Variants in CDC14A observed in about 807,000 individuals in gnomAD.
The protein encoded by CDC14A is dual specificity protein phosphatase CDC14A.
CDC14A carries 53 observed loss-of-function variants against 74.4 expected under a neutral mutation model. The ratio of observed to expected loss-of-function variants is 0.71; its 90% CI spans 0.57 to 0.89. CDC14A has a LOEUF of 0.89. Among genes scored for constraint, CDC14A ranks in the 40% least tolerant of loss-of-function variants. The pLI is 0.00. For synonymous variants in CDC14A, 247 were observed against 258.4 expected, an observed-to-expected ratio of 0.96 and a Z score of 0.43; for missense variants, 646 against 713.7, an observed-to-expected ratio of 0.91 and a Z score of 1.08.
chr1:100,382,730 G>C (rs762076817), intron 3 of CDC14A, among the ~76,000 whole-genome samples: 3 of 152,124 alleles, frequency 2.0e-5, no homozygotes, highest in African/African-American at 2.4e-5. Context: ...AGGATTAAAG[G>C]AGTATTCACA....
intron 1 of CDC14A, among the ~76,000 whole-genome samples, chr1:100,346,684 C>G (rs1650460113): frequency 6.7e-6 from 1 of 150,214 alleles, no homozygotes; most frequent in South Asian, 2.1e-4. Flanking sequence ...TGGATAAATT[C>G]TGTAAAATTT....
chr1:100,362,571 T>C (rs1652909966), intron 2 of CDC14A, among the ~76,000 whole-genome samples: 1 of 152,210 alleles, frequency 6.6e-6, no homozygotes, highest in South Asian at 2.1e-4. Flanking sequence ...GTTTCCTATG[T>C]CTTGTCATTT....
At chr1:100,366,136 AC>A (rs1304893765) in intron 2 of CDC14A, among the ~76,000 whole-genome samples, 1 of 152,202 alleles carries the variant, frequency 6.6e-6, no homozygotes, top group African/African-American at 2.4e-5. Context: ...GAATGAAGAG[AC>A]AAAAAACGTC....
chr1:100,393,327 A>G (rs1229205341), intron 4 of CDC14A: 1 of 1,038,092 alleles, frequency 9.6e-7, no homozygotes, highest in African/African-American at 1.6e-5. Flanking sequence ...ATGCTGTGAC[A>G]TTAGTTTCAG....
At chr1:100,351,647 C>T (rs1413341900), upstream of CDC14A, 1 of 1,103,130 alleles carries the variant, frequency 9.1e-7, no homozygotes, top group Non-Finnish European at 1.3e-6. Context: ...CCCAGGCTGG[C>T]TCAGCGGTCT....
Position 100,499,006 on chromosome 1 carries a change from C to A in CDC14A, c.1499C>A (p.Thr500Asn). 2 of 1,613,666 alleles carry A rather than the reference C, an allele frequency of 1.2e-6. No homozygotes were observed. The highest frequency in any genetic ancestry group is 1.7e-6 in the Non-Finnish European group (2 of 1,179,672). ...AATDDPENKKTSSSSKAGFTA... is the reference protein window; with the variant it reads ...AATDDPENKKNSSSSKAGFTA... ...ACAGATGATCCAGAGAACAAAAAGA[C>A]CTCCTCATCCTCTAAGGCAGGCTTC... Residue 500 changes from threonine (T) to asparagine (N), a missense_variant, in exon 15 of 16, where the codon ACC becomes AAC. Physicochemically the swap from Thr to Asn is moderately conservative, Grantham distance 65. Coordinates refer to ENST00000336454, the MANE Select transcript of CDC14A (RefSeq NM_003672.4).
intron 2 of CDC14A, among the ~76,000 whole-genome samples, chr1:100,365,978 G>A (rs1653541088): frequency 9.0e-6 from 1 of 110,530 alleles, no homozygotes; most frequent in African/African-American, 4.6e-5. Flanking sequence ...ACACACACAC[G>A]GTCTCATTGT....
At chr1:100,457,491 C>T (rs1398630409) in intron 8 of CDC14A, among the ~76,000 whole-genome samples, 1 of 152,066 alleles carries the variant, frequency 6.6e-6, no homozygotes, top group South Asian at 2.1e-4. Context: ...CAGGCTCTTG[C>T]TTTGTTGCCC....
At chr1:100,398,505 A>G (rs1321303415) in intron 4 of CDC14A, among the ~76,000 whole-genome samples, 2 of 152,200 alleles carry the variant, frequency 1.3e-5, no homozygotes, top group East Asian at 1.9e-4. Flanking sequence ...TTTTAAGGGA[A>G]TATTTTGTTT....
At chr1:100,371,271 C>T (rs760582548) in intron 2 of CDC14A, among the ~76,000 whole-genome samples, 10 of 152,060 alleles carry the variant, frequency 6.6e-5, no homozygotes, top group Non-Finnish European at 1.3e-4. Context: ...ACTTATTTTC[C>T]TATTTGAGTG....
At position 100,484,441 on chromosome 1, in the gene CDC14A, G is replaced by A. The variant is rs778051201; in HGVS notation, c.1127G>A (p.Arg376Gln). Residue 376 changes from arginine (R) to glutamine (Q), a missense_variant, in exon 11 of 16, where the codon CGA becomes CAA. By Grantham distance (43) the Arg-to-Gln change is conservative. Coordinates refer to ENST00000336454, the MANE Select transcript of CDC14A (RefSeq NM_003672.4). ...GNLSKTQNME[R>Q]FGEDNLEDDD... is the part of the protein sequence containing the mutation. ...CTTTCAAAAACACAAAACATGGAAC[G>A]ATTTGGAGAGGTAAGTTTTCCCTAG... The A allele has an allele frequency of 1.1e-5, 17 of 1,594,110 alleles. No homozygotes were observed. The highest frequency in any genetic ancestry group is 2.3e-5 in the South Asian group (2 of 86,838).
chr1:100,502,001 G>A (rs1471018885), intron 15 of CDC14A, among the ~76,000 whole-genome samples: 1 of 152,024 alleles, frequency 6.6e-6, no homozygotes, highest in Non-Finnish European at 1.5e-5. Context: ...CAAGTGATTG[G>A]GAGTTGATAA....
chr1:100,413,012 G>A (rs1366370129), intron 4 of CDC14A, among the ~76,000 whole-genome samples: 2 of 151,132 alleles, frequency 1.3e-5, no homozygotes, highest in African/African-American at 2.4e-5. Context: ...AGCTGAGATC[G>A]TGCCACTGCG....
chr1:100,512,828 A>C (rs1377786712), intron 15 of CDC14A, among the ~76,000 whole-genome samples: 1 of 152,186 alleles, frequency 6.6e-6, no homozygotes, highest in Non-Finnish European at 1.5e-5. Flanking sequence ...ACAAACCTTC[A>C]TCCTTTTATC....
intron 4 of CDC14A, among the ~76,000 whole-genome samples, chr1:100,412,754 T>TATATATATATA (rs1557732636): frequency 3.9e-5 from 4 of 102,248 alleles, no homozygotes; most frequent in African/African-American, 2.4e-4. Context: ...ATATATATAT[T>TATATATATATA]TTATATATAT....
intron 5 of CDC14A, among the ~76,000 whole-genome samples, chr1:100,429,741 ATATT>A (rs1338005610): frequency 7.0e-6 from 1 of 143,600 alleles, no homozygotes; most frequent in Admixed American, 7.0e-5. Context: ...TATATCAAGT[ATATT>A]TATATATATA....
upstream of CDC14A, chr1:100,351,697 G>T: frequency 6.6e-7 from 1 of 1,505,008 alleles, no homozygotes. Flanking sequence ...TAAAGATTAG[G>T]CATCTGTGAT....
chr1:100,425,223 A>G (rs1662820160), intron 5 of CDC14A, among the ~76,000 whole-genome samples: 1 of 152,168 alleles, frequency 6.6e-6, no homozygotes, highest in African/African-American at 2.4e-5. Context: ...CAAAACTCCC[A>G]TAACACTTAC....
intron 2 of CDC14A, among the ~76,000 whole-genome samples, chr1:100,371,785 T>C (rs1253609925): frequency 6.6e-6 from 1 of 152,166 alleles, no homozygotes; most frequent in Admixed American, 6.5e-5. Flanking sequence ...TAACCATAGC[T>C]AAAACTTCAA....
Sources: allele counts gnomAD v4.1 joint callset (sites outside exome capture counted in the v4.1 genomes callset), GRCh38; gene constraint gnomAD v4.1.1; transcripts MANE v1.5; gene names NCBI Gene and HGNC (gene_info 2026-07-23, HGNC 2026-07-21).